Variants in LPP observed in about 807,000 individuals in gnomAD.
LPP encodes lipoma-preferred partner.
In LPP, 38 loss-of-function variants were observed where a neutral mutation model predicts 60.4. The observed-to-expected ratio is 0.63, with a 90% confidence interval of 0.49 to 0.83. The LOEUF is 0.83. Ranked by LOEUF, LPP falls within the 40% of genes least tolerant of loss-of-function variation. The pLI is 0.00. For synonymous variants in LPP, 328 were observed against 290.8 expected, an observed-to-expected ratio of 1.13 and a Z score of -1.30; for missense variants, 902 against 783.6, an observed-to-expected ratio of 1.15 and a Z score of -1.80.
chr3:188,690,312 C>G (rs1253253355), intron 7 of LPP, among the ~76,000 whole-genome samples: 1 of 152,146 alleles, frequency 6.6e-6, no homozygotes, highest in African/African-American at 2.4e-5. Context: ...CGGGGTTAGG[C>G]TTTTCCTTTG....
rs372301460 is a variant in LPP, at chr3:188,703,615, G to A, written c.1114-4652G>A. On this transcript the variant is annotated intron_variant, in intron 7 of 11. Coordinates refer to ENST00000617246, the MANE Select transcript of LPP (RefSeq NM_001375462.1). ...AACTTCAGAAATACTGAAAGAAATG[G>A]TCTCTCAGAATCTTTCATCATAAGA... Among the ~76,000 whole-genome samples, 14 of 152,222 alleles carry A rather than the reference G, an allele frequency of 9.2e-5. 1 individual carries two copies. The highest frequency in any genetic ancestry group is 3.9e-4 in the East Asian group (2 of 5,180).
intron 2 of LPP, among the ~76,000 whole-genome samples, chr3:188,338,777 A>G (rs1762331056): frequency 6.6e-6 from 1 of 152,206 alleles, no homozygotes; most frequent in African/African-American, 2.4e-5. Context: ...CAAAATATCA[A>G]GTATTTTGAG....
intron 1 of LPP, among the ~76,000 whole-genome samples, chr3:188,157,720 G>A (rs1296128083): frequency 6.6e-6 from 1 of 151,968 alleles, no homozygotes. Context: ...GGGCATGTCC[G>A]TGTATTAAGT....
chr3:188,605,587 C>A (rs924907384), intron 6 of LPP, among the ~76,000 whole-genome samples: 4 of 152,086 alleles, frequency 2.6e-5, no homozygotes, highest in African/African-American at 7.2e-5. Flanking sequence ...CTAAAGTCTT[C>A]ATAACATAGA....
intron 7 of LPP, among the ~76,000 whole-genome samples, chr3:188,623,350 C>T (rs1185830591): frequency 2.6e-5 from 4 of 151,838 alleles, no homozygotes; most frequent in African/African-American, 9.7e-5. Flanking sequence ...CTCCGCCTCC[C>T]AGGTTCAGGT....
At chr3:188,291,486 A>AG (rs2150045903) in intron 2 of LPP, among the ~76,000 whole-genome samples, 1 of 151,984 alleles carries the variant, frequency 6.6e-6, no homozygotes, top group South Asian at 2.1e-4. Flanking sequence ...AAAAATAGAA[A>AG]GAAAAAAAAA....
chr3:188,237,056 T>C (rs1327274016), intron 2 of LPP, among the ~76,000 whole-genome samples: 4 of 152,172 alleles, frequency 2.6e-5, no homozygotes, highest in African/African-American at 9.7e-5. Context: ...CCATTAAGTT[T>C]ATGAAATATT....
At chr3:188,631,507 C>G (rs936381338) in intron 7 of LPP, among the ~76,000 whole-genome samples, 1 of 152,194 alleles carries the variant, frequency 6.6e-6, no homozygotes, top group African/African-American at 2.4e-5. Context: ...CATTACTAAG[C>G]ACATTCCTAA....
intron 8 of LPP, among the ~76,000 whole-genome samples, chr3:188,735,632 C>T (rs901756830): frequency 2.2e-4 from 34 of 152,152 alleles, no homozygotes; most frequent in African/African-American, 8.2e-4. Flanking sequence ...GATCCACCCA[C>T]CTCAGCCTCC....
chr3:188,322,771 T>C (rs1173696499), intron 2 of LPP, among the ~76,000 whole-genome samples: 1 of 152,188 alleles, frequency 6.6e-6, no homozygotes, highest in Non-Finnish European at 1.5e-5. Flanking sequence ...AAGTAACTTC[T>C]CATCTCTGAG....
At chr3:188,343,997 C>T (rs936239232) in intron 3 of LPP, among the ~76,000 whole-genome samples, 5 of 152,182 alleles carry the variant, frequency 3.3e-5, no homozygotes, top group African/African-American at 1.2e-4. Context: ...TGTTCTCTGT[C>T]CCATTTCCAA....
chr3:188,447,624 A>G (rs1795555547), intron 4 of LPP, among the ~76,000 whole-genome samples: 1 of 151,660 alleles, frequency 6.6e-6, no homozygotes, highest in Non-Finnish European at 1.5e-5. Flanking sequence ...AAAAAAAAAA[A>G]AAAAAAATTA....
intron 9 of LPP, among the ~76,000 whole-genome samples, chr3:188,852,678 C>T (rs547829652): frequency 2.0e-5 from 3 of 152,178 alleles, no homozygotes; most frequent in Non-Finnish European, 2.9e-5. Flanking sequence ...GATGCTGGCA[C>T]CATGATCTTG....
chr3:188,694,264 C>CT lies in LPP; in HGVS notation c.1114-14000dup, dbSNP rs752459158. ...TATAGTATTATTTACCTGTTTTTCC[C>CT]TTTGCCCACCTTTAGGTACAGTACT... On this transcript the variant is annotated intron_variant, in intron 7 of 11. Coordinates refer to ENST00000617246, the MANE Select transcript of LPP (RefSeq NM_001375462.1). 9.2e-5 allele frequency among the ~76,000 whole-genome samples: 14 copies of CT among 152,278 alleles called. 1 individual carries two copies. The highest frequency in any genetic ancestry group is 3.9e-4 in the East Asian group (2 of 5,190).
In LPP at chr3:188,592,551, G is replaced by GTTTTTT. The variant is rs1553936326; in HGVS notation, c.430-16605_430-16604insTTTTTT. ...AATGAGTATCACTGTTTTTAGTTTT[G>GTTTTTT]TTTTTGTTTTTTAAATGGAGTCTCA... On this transcript the variant is annotated intron_variant, in intron 6 of 11. Coordinates refer to ENST00000617246, the MANE Select transcript of LPP (RefSeq NM_001375462.1). Among the ~76,000 whole-genome samples, 774 of 97,942 alleles carry GTTTTTT rather than the reference G, an allele frequency of 7.9e-3. 16 individuals are homozygous for GTTTTTT. The highest frequency in any genetic ancestry group is 0.018 in the African/African-American group (524 of 28,520). 64.3% of individuals were successfully genotyped at this position (97,942 alleles called of 152,430 possible). A position where few individuals can be genotyped will look rare whatever the true frequency, so the allele number is the denominator to read the frequency against.
intron 2 of LPP, among the ~76,000 whole-genome samples, chr3:188,301,045 T>C (rs1749680986): frequency 6.6e-6 from 1 of 152,170 alleles, no homozygotes; most frequent in African/African-American, 2.4e-5. Flanking sequence ...TTGCCCTAGT[T>C]CCATCCTTCC....
rs1769875012 is a variant in LPP at position 188,880,776 on chromosome 3, T to C, written c.*6297T>C. On this transcript the variant is annotated 3_prime_UTR_variant, in exon 12 of 12. Coordinates refer to ENST00000617246, the MANE Select transcript of LPP (RefSeq NM_001375462.1). ...GTTCTCTACCCTACGAATGGAATGT[T>C]CTACCAAGAAAGAGAAGCATCACCA... 5.5e-6 allele frequency: 1 copy of C among 182,038 alleles called. No homozygotes were observed. The highest frequency in any genetic ancestry group is 1.2e-5 in the Non-Finnish European group (1 of 85,370). The allele number at this position is 182,038 out of a possible 1,614,324, so 11.3% of individuals were successfully genotyped here.
At chr3:188,661,784 C>T (rs1489447549) in intron 7 of LPP, among the ~76,000 whole-genome samples, 1 of 152,228 alleles carries the variant, frequency 6.6e-6, no homozygotes, top group East Asian at 1.9e-4. Context: ...CACCCTGCCT[C>T]ATCTATAGCA....
chr3:188,167,958 TA>T (rs1720500249), intron 1 of LPP, among the ~76,000 whole-genome samples: 1 of 152,348 alleles, frequency 6.6e-6, no homozygotes, highest in African/African-American at 2.4e-5. Flanking sequence ...CTTTGATTAC[TA>T]AAAAAATTTC....
Sources: allele counts gnomAD v4.1 joint callset (sites outside exome capture counted in the v4.1 genomes callset), GRCh38; gene constraint gnomAD v4.1.1; transcripts MANE v1.5; gene names NCBI Gene and HGNC (gene_info 2026-07-23, HGNC 2026-07-21).